The following MGA variants were observed in gnomAD, a reference collection of about 807,000 sequenced individuals.
The protein encoded by MGA is MAX dimerization protein MGA.
A neutral mutation model predicts 261.1 loss-of-function variants in MGA; 40 were observed. The observed-to-expected ratio is 0.15, with a 90% CI of 0.12 to 0.20. The LOEUF is 0.20. Ranked by LOEUF, MGA falls within the 10% of genes least tolerant of loss-of-function variation. The pLI, the probability that MGA is intolerant of heterozygous loss-of-function variation, is 1.00. For synonymous variants in MGA, 1,302 were observed against 1,290.6 expected (o/e 1.01, Z -0.19); for missense variants, 3,397 against 3,630.5 (o/e 0.94, Z 1.65).
chr15:41,675,256 T>C (rs2058312778), intron 2 of MGA, among the ~76,000 whole-genome samples: 1 of 152,238 alleles, frequency 6.6e-6, no homozygotes, highest in East Asian at 1.9e-4. Flanking sequence ...CCACCAAAAA[T>C]GTATGATGAG....
In MGA at chr15:41,743,190, C is replaced by G; in HGVS notation, c.5212+18C>G. The G allele has an allele frequency of 6.3e-7, 1 of 1,584,592 alleles. No homozygotes were observed. The highest frequency in any genetic ancestry group is 8.6e-7 in the Non-Finnish European group (1 of 1,163,362). On this transcript the variant is annotated intron_variant, in intron 15 of 23. Transcript: ENST00000219905. ...GAGACCAGGTAAGGCCTAGATGTTA[C>G]TAGCTGCTTTATTTTACTGTACACC...
chr15:41,640,301 G>T (rs182745349), intron 1 of MGA, among the ~76,000 whole-genome samples: 2 of 152,286 alleles, frequency 1.3e-5, no homozygotes, highest in African/African-American at 4.8e-5. Context: ...TGGGTCCAGA[G>T]TATTGAGGCC....
At chr15:41,713,778 A>G (rs533790280) in intron 9 of MGA, among the ~76,000 whole-genome samples, 1 of 152,200 alleles carries the variant, frequency 6.6e-6, no homozygotes, top group East Asian at 1.9e-4. Flanking sequence ...AGTTTCTTCC[A>G]TTTTCTGGAT....
chr15:41,726,077 T>G (rs1282972862), intron 9 of MGA, among the ~76,000 whole-genome samples: 1 of 152,190 alleles, frequency 6.6e-6, no homozygotes, highest in Non-Finnish European at 1.5e-5. Flanking sequence ...TTACCTCAGT[T>G]GGGTTTCATT....
At chr15:41,712,332 T>C (rs1202572048) in intron 8 of MGA, among the ~76,000 whole-genome samples, 1 of 152,138 alleles carries the variant, frequency 6.6e-6, no homozygotes, top group African/African-American at 2.4e-5. Context: ...CACCTTAGCC[T>C]CCTGAGTAGC....
rs546134169 is a variant in MGA, at chr15:41,729,697, G to A, written c.3843+348G>A. On this transcript the variant is annotated intron_variant, in intron 11 of 23. Coordinates refer to ENST00000219905, the MANE Select transcript of MGA (RefSeq NM_001164273.2). ...AAAAAAATTAGCTGGGCCTGGTGCCGCATGCCTGTAATCCCAACTACCTGG... is the reference window on the plus strand; with the variant it reads ...AAAAAAATTAGCTGGGCCTGGTGCCACATGCCTGTAATCCCAACTACCTGG... Among the ~76,000 whole-genome samples the A allele has an allele frequency of 5.3e-5, 8 of 151,804 alleles. No individual in the cohort carries two copies. The East Asian group carries it at 7.8e-4, about 15-fold the overall frequency.
At chr15:41,661,777 G>T (rs1295914094) in intron 1 of MGA, among the ~76,000 whole-genome samples, 1 of 152,148 alleles carries the variant, frequency 6.6e-6, no homozygotes, top group Non-Finnish European at 1.5e-5. Flanking sequence ...CGGCTAGGCT[G>T]CAGGGAAAGT....
chr15:41,671,260 A>G (rs1010992468), intron 2 of MGA, among the ~76,000 whole-genome samples: 19 of 152,190 alleles, frequency 1.2e-4, no homozygotes, highest in African/African-American at 4.6e-4. Context: ...CCAAAAAGCA[A>G]AACTTGAATT....
At position 41,648,841 on chromosome 15, in the gene MGA, A is replaced by C. The variant is rs533356825; in HGVS notation, c.-67-19987A>C. 3.0e-4 allele frequency among the ~76,000 whole-genome samples: 46 copies of C among 152,242 alleles called. 1 individual carries two copies. The highest frequency in any genetic ancestry group is 1.0e-3 in the African/African-American group (43 of 41,540). On this transcript the variant is annotated intron_variant, in intron 1 of 8. Coordinates refer to the MGA transcript ENST00000566718. ...AAAATGGCAGAAATGGCATGAACTGATTTATGTTTAGAAAGGGTCCCTTGA... is the reference window on the plus strand; with the variant it reads ...AAAATGGCAGAAATGGCATGAACTGCTTTATGTTTAGAAAGGGTCCCTTGA...
intron 9 of MGA, among the ~76,000 whole-genome samples, chr15:41,722,380 C>G (rs936944527): frequency 6.6e-6 from 1 of 152,092 alleles, no homozygotes; most frequent in Non-Finnish European, 1.5e-5. Context: ...CCGCCTGCCT[C>G]GGCCTCCCAA....
chr15:41,622,697 G>A (rs1301629163), intron 1 of MGA, among the ~76,000 whole-genome samples: 1 of 152,196 alleles, frequency 6.6e-6, no homozygotes, highest in Non-Finnish European at 1.5e-5. Flanking sequence ...GGGCCTAGAA[G>A]TCTTCGTTTC....
chr15:41,745,278 C>G (rs1198541880), intron 15 of MGA, among the ~76,000 whole-genome samples: 1 of 11,084 alleles, frequency 9.0e-5, no homozygotes, highest in South Asian at 3.1e-3. Flanking sequence ...CAAGAATGAT[C>G]AATAAAAAAA....
chr15:41,639,551 T>G (rs1352824583), intron 1 of MGA, among the ~76,000 whole-genome samples: 1 of 151,020 alleles, frequency 6.6e-6, no homozygotes, highest in Non-Finnish European at 1.5e-5. Flanking sequence ...ATTTTTATTA[T>G]TTTTATTTTT....
chr15:41,736,226 CTTCTTATAT>C lies in MGA; in HGVS notation c.3963_3971del (p.Ser1322_Met1324del). 6.2e-7 allele frequency: 1 copy of C among 1,609,222 alleles called. No homozygotes were observed. The highest frequency in any genetic ancestry group is 8.5e-7 in the Non-Finnish European group (1 of 1,177,610). ...TGCAATGAAGGAGAATCCTCTTCTA[CTTCTTATAT>C]GCATCAGAGGTCACCTGGTGGTCCC... is the stretch of plus-strand genomic sequence containing the variant. On this transcript the variant is annotated inframe_deletion, in exon 13 of 24. Transcript: ENST00000219905.
chr15:41,667,923 C>CCTCCTGAGTAGCTGGGACTA (rs1249402185), intron 1 of MGA, among the ~76,000 whole-genome samples: 22 of 152,078 alleles, frequency 1.4e-4, no homozygotes, highest in African/African-American at 4.6e-4. Context: ...CATGCCTCAG[C>CCTCCTGAGTAGCTGGGACTA]CTCCTGAGTA....
intron 1 of MGA, among the ~76,000 whole-genome samples, chr15:41,665,369 T>A (rs753859256): frequency 1.1e-4 from 16 of 152,066 alleles, no homozygotes; most frequent in Non-Finnish European, 2.1e-4. Flanking sequence ...TTCGGTTGAT[T>A]TTAGCAATCA....
chr15:41,668,847 CTA>C lies in MGA; in HGVS notation c.-46_-45del. On this transcript the variant is annotated 5_prime_UTR_variant, in exon 2 of 24. An upstream start codon of the reference 5' UTR is lost. Coordinates refer to ENST00000219905, the MANE Select transcript of MGA (RefSeq NM_001164273.2). Reference sequence around the variant, plus strand: ...TCTTAGGATGGGAAGGCCATTGTGACTATGTGGTGATTACAGTTGTCTTACTA... The same window carrying C: ...TCTTAGGATGGGAAGGCCATTGTGACTGTGGTGATTACAGTTGTCTTACTA... The C allele has an allele frequency of 7.2e-7, 1 of 1,380,028 alleles. No individual in the cohort carries two copies. Among genetic ancestry groups the C allele is most frequent in the South Asian group, 1.7e-5 (1 of 60,586 alleles). The allele number at this position is 1,380,028 out of a possible 1,614,324, so 85.5% of individuals were successfully genotyped here.
At chr15:41,731,348 A>G (rs982270957) in intron 11 of MGA, among the ~76,000 whole-genome samples, 10 of 152,132 alleles carry the variant, frequency 6.6e-5, no homozygotes, top group African/African-American at 2.4e-4. Context: ...TTATCTATGT[A>G]TCTATGCAGA....
chr15:41,752,648 C>T (rs951699819), intron 17 of MGA, among the ~76,000 whole-genome samples: 10 of 147,350 alleles, frequency 6.8e-5, no homozygotes, highest in Admixed American at 3.5e-4. Flanking sequence ...TCTGCCTTCT[C>T]GGTTCAAGCG....
Sources: allele counts gnomAD v4.1 joint callset (sites outside exome capture counted in the v4.1 genomes callset), GRCh38; gene constraint gnomAD v4.1.1; transcripts MANE v1.5; gene names NCBI Gene and HGNC (gene_info 2026-07-23, HGNC 2026-07-21).